GTF2F2: variants seen among roughly 807,000 people sequenced by gnomAD.
GTF2F2 encodes the protein ATP-dependent helicase GTF2F2.
GTF2F2 carries 23 observed loss-of-function variants against 42.2 expected under a neutral mutation model. The ratio of observed to expected loss-of-function variants is 0.55; its 90% CI spans 0.39 to 0.77. GTF2F2 has a LOEUF of 0.77. Among genes scored for constraint, GTF2F2 ranks in the 30% least tolerant of loss-of-function variants. The pLI, the probability that GTF2F2 is intolerant of heterozygous loss-of-function variation, is 0.00. For missense variants in GTF2F2, 261 were observed against 287.2 expected (o/e 0.91, Z 0.66); for synonymous variants, 105 against 100.8 (o/e 1.04, Z -0.25).
At chr13:45,275,511 T>TC (rs1164267235) in intron 7 of GTF2F2, among the ~76,000 whole-genome samples, 62 of 138,006 alleles carry the variant, frequency 4.5e-4, no homozygotes, top group Non-Finnish European at 6.1e-4. Context: ...GTCCAAGGGT[T>TC]CTCATTGTTC....
At chr13:45,205,219 C>T (rs1873364329) in intron 4 of GTF2F2, among the ~76,000 whole-genome samples, 1 of 152,148 alleles carries the variant, frequency 6.6e-6, no homozygotes, top group Non-Finnish European at 1.5e-5. Flanking sequence ...GAGGAGACCT[C>T]AGGAAACTTA....
At chr13:45,253,606 A>T (rs1296172288) in intron 6 of GTF2F2, among the ~76,000 whole-genome samples, 1 of 152,222 alleles carries the variant, frequency 6.6e-6, no homozygotes, top group Non-Finnish European at 1.5e-5. Context: ...TAAACAATTC[A>T]TAAGTTGTAA....
rs188566064 is a variant in GTF2F2 at position 45,164,436 on chromosome 13, G to A, written c.304+12605G>A. Among the ~76,000 whole-genome samples, 11 of 152,204 alleles carry A rather than the reference G, an allele frequency of 7.2e-5. No homozygotes were observed. The East Asian group carries it at 1.7e-3, about 24-fold the overall frequency. On this transcript the variant is annotated intron_variant, in intron 4 of 7. Coordinates refer to ENST00000340473, the MANE Select transcript of GTF2F2 (RefSeq NM_004128.3). ...GATTTACTGAAGGTTTTCAAGTAAA[G>A]AAGTAGCAGCCCTAGTGGCCAGGTA... is the stretch of plus-strand genomic sequence containing the variant.
intron 4 of GTF2F2, among the ~76,000 whole-genome samples, chr13:45,175,852 G>A (rs927376180): frequency 6.6e-6 from 1 of 152,128 alleles, no homozygotes; most frequent in Non-Finnish European, 1.5e-5. Flanking sequence ...TCGAACTCCC[G>A]ACATCAGGTA....
At chr13:45,189,079 T>A (rs1164728202) in intron 4 of GTF2F2, among the ~76,000 whole-genome samples, 2 of 151,156 alleles carry the variant, frequency 1.3e-5, no homozygotes, top group Admixed American at 6.6e-5. Context: ...CAGGCCCCAG[T>A]GTGTGATGTT....
At chr13:45,143,008 A>C (rs1161495611) in intron 2 of GTF2F2, among the ~76,000 whole-genome samples, 1 of 152,234 alleles carries the variant, frequency 6.6e-6, no homozygotes, top group Non-Finnish European at 1.5e-5. Context: ...CAGTGAAAAC[A>C]TTATGTTCAG....
chr13:45,249,750 T>C (rs1030438750), intron 5 of GTF2F2, among the ~76,000 whole-genome samples: 2 of 152,114 alleles, frequency 1.3e-5, no homozygotes, highest in African/African-American at 4.8e-5. Context: ...GAAGATAATT[T>C]AGCGGCAACA....
chr13:45,235,067 AAAAAG>A (rs1319045924), intron 5 of GTF2F2, among the ~76,000 whole-genome samples: 2 of 150,594 alleles, frequency 1.3e-5, no homozygotes, highest in South Asian at 2.1e-4. Flanking sequence ...AAAAAAAAAA[AAAAAG>A]GTCATAGTTG....
chr13:45,205,543 C>T (rs538913084), intron 4 of GTF2F2, among the ~76,000 whole-genome samples: 12 of 152,220 alleles, frequency 7.9e-5, no homozygotes, highest in Admixed American at 4.6e-4. Context: ...TTTTTTGAGA[C>T]GGAGTCTTGC....
intron 7 of GTF2F2, among the ~76,000 whole-genome samples, chr13:45,274,216 C>T (rs897438866): frequency 6.6e-6 from 1 of 152,026 alleles, no homozygotes; most frequent in Non-Finnish European, 1.5e-5. Flanking sequence ...ATTACATTAC[C>T]CAGATAATTG....
intron 7 of GTF2F2, among the ~76,000 whole-genome samples, chr13:45,282,488 T>C (rs1877306014): frequency 6.6e-6 from 1 of 152,132 alleles, no homozygotes; most frequent in Admixed American, 6.5e-5. Context: ...TTAGGGGATG[T>C]CTTCTTATCA....
At chr13:45,156,550 A>G (rs1188055959) in intron 4 of GTF2F2, among the ~76,000 whole-genome samples, 2 of 152,200 alleles carry the variant, frequency 1.3e-5, no homozygotes, top group Admixed American at 6.5e-5. Context: ...AATTGGTGCA[A>G]TGGGAGTGGA....
chr13:45,207,213 TAAAC>T (rs1282822728), intron 4 of GTF2F2: 3 of 477,042 alleles, frequency 6.3e-6, no homozygotes, highest in Non-Finnish European at 7.5e-6. Context: ...AGCAGCCTAA[TAAAC>T]AAATCTGACA....
At chr13:45,165,035 G>A (rs1317740541) in intron 4 of GTF2F2, among the ~76,000 whole-genome samples, 1 of 152,092 alleles carries the variant, frequency 6.6e-6, no homozygotes. Flanking sequence ...CGCTATAGCT[G>A]CTATAGCTGT....
chr13:45,153,439 G>C (rs1327684741), intron 4 of GTF2F2, among the ~76,000 whole-genome samples: 1 of 152,090 alleles, frequency 6.6e-6, no homozygotes, highest in East Asian at 1.9e-4. Context: ...CAGTTATGTA[G>C]TTGAAGGTAG....
intron 5 of GTF2F2, chr13:45,219,620 G>A (rs556425864): frequency 6.6e-6 from 1 of 152,272 alleles, no homozygotes; most frequent in Non-Finnish European, 1.5e-5. Context: ...TGCAGGAGAG[G>A]TAGGACATTA....
At position 45,260,048 on chromosome 13, in the gene GTF2F2, G is replaced by T. The variant is rs145804825; in HGVS notation, c.486+7078G>T. On this transcript the variant is annotated intron_variant, in intron 6 of 7. Coordinates refer to ENST00000340473, the MANE Select transcript of GTF2F2 (RefSeq NM_004128.3). The stretch of plus-strand genomic sequence containing the variant: ...AACTCGAAAACCTTAACTGTGCTCA[G>T]ATGGGTAAGAGAAAAAAAAGAAAAG... 6.3e-3 allele frequency among the ~76,000 whole-genome samples: 960 copies of T among 151,560 alleles called. 12 individuals carry two copies. The highest frequency in any genetic ancestry group is 0.022 in the African/African-American group (918 of 41,268).
intron 2 of GTF2F2, among the ~76,000 whole-genome samples, chr13:45,142,382 G>A (rs1368527680): frequency 5.3e-5 from 8 of 152,110 alleles, no homozygotes; most frequent in African/African-American, 1.9e-4. Flanking sequence ...TGGCCAGGCT[G>A]GTCTTGAACT....
At chr13:45,151,076 A>C (rs1421146413) in intron 3 of GTF2F2, among the ~76,000 whole-genome samples, 1 of 152,166 alleles carries the variant, frequency 6.6e-6, no homozygotes, top group Non-Finnish European at 1.5e-5. Context: ...TCTGTCACCC[A>C]AATAGTGAAC....
Sources: allele counts gnomAD v4.1 joint callset (sites outside exome capture counted in the v4.1 genomes callset), GRCh38; gene constraint gnomAD v4.1.1; transcripts MANE v1.5; gene names NCBI Gene and HGNC (gene_info 2026-07-23, HGNC 2026-07-21).